PCCA: variants seen among roughly 807,000 people sequenced by gnomAD.
The protein encoded by PCCA is propionyl-CoA carboxylase subunit alpha, also known as propionyl-CoA carboxylase alpha chain, mitochondrial.
In PCCA, 74 loss-of-function variants were observed where a neutral mutation model predicts 101.3. That is an observed-to-expected ratio of 0.73 (90% CI 0.61 to 0.89). The LOEUF (loss-of-function observed/expected upper bound fraction) is 0.89. Among genes scored for constraint, PCCA ranks in the 40% least tolerant of loss-of-function variants. PCCA has a pLI of 0.00. For missense variants in PCCA, 891 were observed against 907.0 expected (o/e 0.98, Z 0.23); for synonymous variants, 294 against 313.6 (o/e 0.94, Z 0.66).
chr13:100,426,829 G>A (rs2079177782), intron 20 of PCCA, among the ~76,000 whole-genome samples: 1 of 151,344 alleles, frequency 6.6e-6, no homozygotes, highest in Admixed American at 6.6e-5. Context: ...TATTATATCA[G>A]TATAAATTAT....
chr13:100,175,019 A>G (rs970168413), intron 6 of PCCA, among the ~76,000 whole-genome samples: 2 of 152,190 alleles, frequency 1.3e-5, no homozygotes, highest in African/African-American at 2.4e-5. Flanking sequence ...TGTAAGTTGC[A>G]GATTAGATTA....
chr13:100,429,809 G>A (rs1017623358), intron 20 of PCCA, among the ~76,000 whole-genome samples: 3 of 151,834 alleles, frequency 2.0e-5, no homozygotes, highest in African/African-American at 7.2e-5. Context: ...GTTTCGCCAT[G>A]TTGGCCAGGC....
intron 21 of PCCA, among the ~76,000 whole-genome samples, chr13:100,476,922 C>T (rs918125522): frequency 6.6e-6 from 1 of 152,186 alleles, no homozygotes; most frequent in Non-Finnish European, 1.5e-5. Flanking sequence ...AAGCTCGTCA[C>T]TTTATTCTGC....
At position 100,232,357 on chromosome 13, in the gene PCCA, T is replaced by C. The variant is rs4772276; in HGVS notation, c.601-3485T>C. Among the ~76,000 whole-genome samples, 126 of 75,304 alleles carry C rather than the reference T, an allele frequency of 1.7e-3. No homozygotes were observed. The East Asian group carries it at 0.029, about 17-fold the overall frequency. The allele number at this position is 75,304 out of a possible 152,430, so 49.4% of individuals were successfully genotyped here. On this transcript the variant is annotated intron_variant, in intron 7 of 23. Transcript: ENST00000376285. ...TTATGTGTGTGTGTGTATGCGTGTGTGTGTGTGTGTGTGTGTGTGTGTGTG... is the reference window on the plus strand; with the variant it reads ...TTATGTGTGTGTGTGTATGCGTGTGCGTGTGTGTGTGTGTGTGTGTGTGTG...
intron 21 of PCCA, among the ~76,000 whole-genome samples, chr13:100,476,056 G>A (rs942625122): frequency 2.6e-5 from 4 of 152,186 alleles, no homozygotes; most frequent in South Asian, 2.1e-4. Flanking sequence ...AGATGATTTC[G>A]ATATGAAGCA....
chr13:100,100,174 A>G (rs941326274), intron 1 of PCCA, among the ~76,000 whole-genome samples: 18 of 152,292 alleles, frequency 1.2e-4, no homozygotes, highest in African/African-American at 4.1e-4. Context: ...GCCCAGAGAA[A>G]TGATTAGCTC....
intron 16 of PCCA, among the ~76,000 whole-genome samples, chr13:100,316,980 G>A (rs1480958217): frequency 6.6e-6 from 1 of 151,918 alleles, no homozygotes; most frequent in Non-Finnish European, 1.5e-5. Context: ...CACCATGTTG[G>A]TCAGGCTGGT....
At chr13:100,129,575 C>T (rs1038177655) in intron 4 of PCCA, among the ~76,000 whole-genome samples, 5 of 152,162 alleles carry the variant, frequency 3.3e-5, no homozygotes, top group Non-Finnish European at 5.9e-5. Flanking sequence ...GGTGCCCCCC[C>T]GCCGGCATTT....
chr13:100,427,042 C>T (rs1011763349), intron 20 of PCCA, among the ~76,000 whole-genome samples: 1 of 152,140 alleles, frequency 6.6e-6, no homozygotes, highest in Non-Finnish European at 1.5e-5. Flanking sequence ...GACAGTGAAA[C>T]CCTGTCTCCA....
intron 21 of PCCA, among the ~76,000 whole-genome samples, chr13:100,450,833 G>A (rs1025334040): frequency 1.3e-5 from 2 of 152,150 alleles, no homozygotes; most frequent in African/African-American, 2.4e-5. Context: ...TTTCTGATTA[G>A]TAAGGTAATA....
intron 1 of PCCA, among the ~76,000 whole-genome samples, chr13:100,097,108 G>A (rs989385654): frequency 2.0e-5 from 3 of 152,164 alleles, no homozygotes; most frequent in African/African-American, 7.2e-5. Context: ...TACAAACAGG[G>A]AAAGGAAGGA....
At chr13:100,219,592 G>A (rs571376766) in intron 7 of PCCA, among the ~76,000 whole-genome samples, 2 of 152,292 alleles carry the variant, frequency 1.3e-5, no homozygotes, top group East Asian at 1.9e-4. Context: ...TGTTGATTCC[G>A]AGGGAGAGCT....
intron 22 of PCCA, chr13:100,527,456 ATTT>A: frequency 1.3e-5 from 6 of 473,946 alleles, no homozygotes; most frequent in East Asian, 4.0e-5. Context: ...AGGGTCAGGG[ATTT>A]TTTTTTTTTC....
chr13:100,343,854 C>T (rs1395009116), intron 18 of PCCA, among the ~76,000 whole-genome samples: 1 of 152,198 alleles, frequency 6.6e-6, no homozygotes, highest in East Asian at 1.9e-4. Flanking sequence ...GCGGACTGAT[C>T]ACATGAGGCC....
chr13:100,137,982 T>C (rs1490589838), intron 4 of PCCA, among the ~76,000 whole-genome samples: 8 of 151,906 alleles, frequency 5.3e-5, no homozygotes, highest in African/African-American at 1.9e-4. Flanking sequence ...GGAGTCGTGG[T>C]CTCCCTATGT....
At chr13:100,160,973 CTG>C (rs60194675) in intron 6 of PCCA, 50,748 of 151,980 alleles carry the variant, frequency 0.33, 9,355 homozygotes, top group East Asian at 0.71. Context: ...TGGATCCTAT[CTG>C]TGTACTTGAA....
intron 21 of PCCA, among the ~76,000 whole-genome samples, chr13:100,457,065 C>T (rs1242175353): frequency 1.3e-5 from 2 of 152,248 alleles, no homozygotes; most frequent in African/African-American, 4.8e-5. Context: ...TAGGTCACTT[C>T]TCACAATGTC....
chr13:100,112,081 G>A lies in PCCA; in HGVS notation c.300+20G>A, dbSNP rs371217257. Reference sequence around the variant, plus strand: ...AGTTCTGTAAGTATATTTTTGCTTTGTTTAAATCAGGACTTAATTTTGGGT... The same window carrying A: ...AGTTCTGTAAGTATATTTTTGCTTTATTTAAATCAGGACTTAATTTTGGGT... On this transcript the variant is annotated intron_variant, in intron 4 of 23. Transcript: ENST00000376285. The A allele has an allele frequency of 6.3e-7, 1 of 1,586,310 alleles. No homozygotes were observed. Among genetic ancestry groups the A allele is most frequent in the Non-Finnish European group, 8.6e-7 (1 of 1,157,040 alleles).
intron 6 of PCCA, among the ~76,000 whole-genome samples, chr13:100,179,040 G>C (rs2056522366): frequency 6.8e-6 from 1 of 147,446 alleles, no homozygotes; most frequent in Non-Finnish European, 1.5e-5. Context: ...TCGTGCCACT[G>C]CACTCCAGCC....
Sources: allele counts gnomAD v4.1 joint callset (sites outside exome capture counted in the v4.1 genomes callset), GRCh38; gene constraint gnomAD v4.1.1; transcripts MANE v1.5; gene names NCBI Gene and HGNC (gene_info 2026-07-23, HGNC 2026-07-21).